KCNG2: variants seen among roughly 807,000 people sequenced by gnomAD.
The protein encoded by KCNG2 is potassium voltage-gated channel modifier subfamily G member 2, also known as voltage-gated potassium channel regulatory subunit KCNG2.
Under a neutral mutation model 12.3 loss-of-function variants are expected in KCNG2, and 7 were observed. That is an observed-to-expected ratio of 0.57 (90% CI 0.32 to 1.07). KCNG2 has a LOEUF of 1.07. KCNG2 is among the 50% of genes least tolerant of loss of function. The pLI, the probability that KCNG2 is intolerant of heterozygous loss-of-function variation, is 0.04. For synonymous variants in KCNG2, 414 were observed against 351.4 expected, an observed-to-expected ratio of 1.18 and a Z score of -1.99; for missense variants, 703 against 726.0, an observed-to-expected ratio of 0.97 and a Z score of 0.36.
intron 2 of KCNG2, among the ~76,000 whole-genome samples, chr18:79,859,978 A>G (rs1312039658): frequency 1.3e-5 from 2 of 152,174 alleles, no homozygotes; most frequent in Non-Finnish European, 2.9e-5. Flanking sequence ...TAATTCGCTC[A>G]TGGTTCTTCA....
chr18:79,839,509 A>G (rs1043470527), intron 1 of KCNG2, among the ~76,000 whole-genome samples: 3 of 152,162 alleles, frequency 2.0e-5, no homozygotes, highest in Admixed American at 1.3e-4. Context: ...CACTACCACA[A>G]TTCACCCAGT....
In KCNG2 at chr18:79,898,578, G is replaced by A. The variant is rs1216462681; in HGVS notation, c.625-462G>A. ...ACTGGGAGCTGTGGGTGGGGTGGAG[G>A]TGGGGGTGGGGGTCTGTGTTCGTGG... On this transcript the variant is annotated intron_variant, in intron 3 of 3. Coordinates refer to ENST00000316249, the MANE Select transcript of KCNG2 (RefSeq NM_012283.2). 2.6e-5 allele frequency among the ~76,000 whole-genome samples: 4 copies of A among 152,204 alleles called. No homozygotes were observed. The East Asian group carries it at 7.7e-4, about 29-fold the overall frequency.
At chr18:79,812,691 T>C (rs1476264528) in intron 1 of KCNG2, among the ~76,000 whole-genome samples, 2 of 152,198 alleles carry the variant, frequency 1.3e-5, no homozygotes, top group South Asian at 2.1e-4. Context: ...CAAAACCTCA[T>C]CTTTACTAAA....
At chr18:79,850,001 A>G (rs1403451906) in intron 1 of KCNG2, among the ~76,000 whole-genome samples, 1 of 152,116 alleles carries the variant, frequency 6.6e-6, no homozygotes, top group African/African-American at 2.4e-5. Flanking sequence ...GCGCACCTAA[A>G]GGGCTGACAG....
intron 2 of KCNG2, among the ~76,000 whole-genome samples, chr18:79,861,273 CTTTTTT>C (rs56348625): frequency 3.0e-3 from 234 of 77,008 alleles, no homozygotes; most frequent in Non-Finnish European, 3.6e-3. Flanking sequence ...CTCTCTCTCT[CTTTTTT>C]TTTTTTTTTT....
intron 1 of KCNG2, among the ~76,000 whole-genome samples, chr18:79,802,901 G>C (rs1383456461): frequency 2.0e-5 from 3 of 152,256 alleles, no homozygotes; most frequent in African/African-American, 7.2e-5. Flanking sequence ...ACGCTTGGCT[G>C]GGTGCGGTGG....
chr18:79,800,265 G>A lies in KCNG2; in HGVS notation c.-115+2251G>A, dbSNP rs2087397904. Among the ~76,000 whole-genome samples the A allele has an allele frequency of 6.6e-6, 1 of 152,168 alleles. No homozygotes were observed. The highest frequency in any genetic ancestry group is 2.4e-5 in the African/African-American group (1 of 41,440). ...GCAGGGCATCCAGGGACGGCCACCTGTGTCTGAGTACTGCGCGCCTGTCCA... is the reference window on the plus strand; with the variant it reads ...GCAGGGCATCCAGGGACGGCCACCTATGTCTGAGTACTGCGCGCCTGTCCA... On this transcript the variant is annotated intron_variant, in intron 1 of 3. Transcript: ENST00000316249. The surrounding 1 kb of genome is among the most constrained non-coding windows in gnomAD (Gnocchi z 4.0).
At chr18:79,831,932 C>T (rs867613214) in intron 1 of KCNG2, among the ~76,000 whole-genome samples, 1 of 152,322 alleles carries the variant, frequency 6.6e-6, no homozygotes, top group South Asian at 2.1e-4. Flanking sequence ...GGCTCTTCTC[C>T]TTCGCTGTGA....
At chr18:79,868,772 G>C (rs1195128106) in intron 3 of KCNG2, among the ~76,000 whole-genome samples, 1 of 152,210 alleles carries the variant, frequency 6.6e-6, no homozygotes, top group Non-Finnish European at 1.5e-5. Flanking sequence ...GACAGTGCAA[G>C]TCCCAGCCCA....
At position 79,864,205 on chromosome 18, in the gene KCNG2, G is replaced by A. The variant is rs1301158656; in HGVS notation, c.538G>A (p.Ala180Thr). 5.2e-6 allele frequency: 8 copies of A among 1,541,400 alleles called. No individual in the cohort carries two copies. The highest frequency in any genetic ancestry group is 7.0e-6 in the Non-Finnish European group (8 of 1,148,344). The stretch of plus-strand genomic sequence containing the variant: ...CTCGGGGCTGGCGGGCAAGCTCTTC[G>A]CCTGCGTGTCCGTGTCCTTCGTGGC... ...PHSGLAGKLF[A>T]CVSVSFVAVT... Residue 180 changes from alanine to threonine, a missense_variant, in exon 3 of 4, where the codon GCC becomes ACC. Coordinates refer to ENST00000316249, the MANE Select transcript of KCNG2 (RefSeq NM_012283.2).
In KCNG2 at chr18:79,803,427, T is replaced by A. The variant is rs1233602199; in HGVS notation, c.-115+5413T>A. On this transcript the variant is annotated intron_variant, in intron 1 of 3. Transcript: ENST00000316249. This position sits in a 1 kb window ranked among gnomAD's most constrained non-coding sequence, Gnocchi z 4.5. ...TTGTTTTCTGCCAAAAGAAAAGACA[T>A]CTTCTAGAAGAGGGAAGATAGGAAA... 6.6e-6 allele frequency among the ~76,000 whole-genome samples: 1 copy of A among 152,208 alleles called. No individual in the cohort carries two copies. The highest frequency in any genetic ancestry group is 1.9e-4 in the East Asian group (1 of 5,198).
At chr18:79,864,832 GGTCTGTGTGCTGAGAA>G (rs1290280890) in intron 3 of KCNG2, among the ~76,000 whole-genome samples, 1 of 131,318 alleles carries the variant, frequency 7.6e-6, no homozygotes, top group African/African-American at 3.2e-5. Context: ...TGGGTGCCGA[GGTCTGTGTGCTGAGAA>G]GTCTGGGTGC....
intron 1 of KCNG2, among the ~76,000 whole-genome samples, chr18:79,798,860 TC>T (rs2087385582): frequency 6.6e-6 from 1 of 152,080 alleles, no homozygotes; most frequent in South Asian, 2.1e-4. Flanking sequence ...TCCCGAACGT[TC>T]CCCTAAACCC....
At position 79,864,463 on chromosome 18, in the gene KCNG2, G is replaced by A. The variant is rs540127846; in HGVS notation, c.624+172G>A. On this transcript the variant is annotated intron_variant, in intron 3 of 3. Transcript: ENST00000316249. ...GGCCGGGGCCGGGCTGGAGGCGGCC[G>A]GGCTGAGGGAGCGCCGCTGATGGTG... is the stretch of plus-strand genomic sequence containing the variant. Among the ~76,000 whole-genome samples the A allele has an allele frequency of 5.9e-5, 9 of 152,110 alleles. No homozygotes were observed. The South Asian group carries it at 1.5e-3, about 25-fold the overall frequency.
chr18:79,855,841 G>T (rs896489407), intron 1 of KCNG2, among the ~76,000 whole-genome samples: 14 of 152,094 alleles, frequency 9.2e-5, no homozygotes, highest in African/African-American at 3.4e-4. Flanking sequence ...TCTAATACCT[G>T]TGGCAATTCA....
intron 3 of KCNG2, among the ~76,000 whole-genome samples, chr18:79,889,625 G>A (rs1052574262): frequency 1.2e-4 from 18 of 152,200 alleles, no homozygotes; most frequent in African/African-American, 4.1e-4. Flanking sequence ...TTGAATGGAC[G>A]TTTTTAGTGG....
At chr18:79,850,068 C>T (rs543964270) in intron 1 of KCNG2, among the ~76,000 whole-genome samples, 6 of 152,360 alleles carry the variant, frequency 3.9e-5, no homozygotes, top group African/African-American at 1.4e-4. Context: ...CTTCTGCCTC[C>T]CCGCTACCCT....
chr18:79,843,607 A>T (rs1416222539), intron 1 of KCNG2, among the ~76,000 whole-genome samples: 1 of 152,228 alleles, frequency 6.6e-6, no homozygotes, highest in Non-Finnish European at 1.5e-5. Context: ...GTGTGAGAAG[A>T]AAAAGTATAG....
At chr18:79,823,789 C>G (rs911628132) in intron 1 of KCNG2, among the ~76,000 whole-genome samples, 3 of 152,122 alleles carry the variant, frequency 2.0e-5, no homozygotes, top group African/African-American at 7.2e-5. Context: ...ATAGCTTACC[C>G]TGTTTTACTG....
Sources: gnomAD v4.1 joint callset for allele counts (sites outside exome capture counted in the v4.1 genomes callset) on GRCh38, gnomAD v4.1.1 for gene constraint, Gnocchi (gnomAD v3.1) non-coding constraint, MANE v1.5 for transcripts, NCBI Gene and HGNC (gene_info 2026-07-23, HGNC 2026-07-21) for gene names.